The following KIAA1217 variants were observed in gnomAD, a reference collection of about 807,000 sequenced individuals.
KIAA1217 encodes sickle tail protein homolog.
KIAA1217 carries 88 observed loss-of-function variants against 163.9 expected under a neutral mutation model. The observed-to-expected ratio is 0.54, with a 90% CI of 0.45 to 0.64. The LOEUF (loss-of-function observed/expected upper bound fraction) is 0.64. KIAA1217 is among the 30% of genes least tolerant of loss of function. KIAA1217 has a pLI of 0.00. For missense variants in KIAA1217, 2,372 were observed against 2,475.0 expected, an observed-to-expected ratio of 0.96 and a Z score of 0.88; for synonymous variants, 903 against 923.1, an observed-to-expected ratio of 0.98 and a Z score of 0.39.
rs186377574 is a variant in KIAA1217, at chr10:23,730,664, T to C, written c.-321+35430T>C. On this transcript the variant is annotated intron_variant, in intron 1 of 18. Coordinates refer to the KIAA1217 transcript ENST00000376462. The stretch of plus-strand genomic sequence containing the variant: ...TCCATTTTGTAGTGTCTTTATTTTA[T>C]TCATCATAATTTTGTAGTTTTTCTT... Among the ~76,000 whole-genome samples, 540 of 152,336 alleles carry C rather than the reference T, an allele frequency of 3.5e-3. 1 individual carries two copies. The highest frequency in any genetic ancestry group is 0.014 in the South Asian group (68 of 4,828).
intron 2 of KIAA1217, among the ~76,000 whole-genome samples, chr10:24,241,132 C>T (rs1177356946): frequency 6.6e-6 from 1 of 152,142 alleles, no homozygotes; most frequent in African/African-American, 2.4e-5. Flanking sequence ...CAGGCTTGAG[C>T]CACTGCACCC....
At chr10:24,122,598 G>T (rs2063325101) in intron 2 of KIAA1217, among the ~76,000 whole-genome samples, 1 of 152,080 alleles carries the variant, frequency 6.6e-6, no homozygotes, top group Non-Finnish European at 1.5e-5. Context: ...CACAATTTTA[G>T]ATTTACACAC....
chr10:24,018,894 C>G (rs576689839), intron 2 of KIAA1217, among the ~76,000 whole-genome samples: 3 of 152,040 alleles, frequency 2.0e-5, no homozygotes, highest in Non-Finnish European at 4.4e-5. Flanking sequence ...AAAATCTTGT[C>G]ATTTGCTACA....
chr10:24,073,248 G>C (rs562560597), intron 2 of KIAA1217, among the ~76,000 whole-genome samples: 1 of 152,186 alleles, frequency 6.6e-6, no homozygotes, highest in South Asian at 2.1e-4. Context: ...GAAAACAGTG[G>C]GTTGTGGGAG....
chr10:24,526,195 G>T (rs563958123), intron 13 of KIAA1217, among the ~76,000 whole-genome samples: 16 of 152,162 alleles, frequency 1.1e-4, no homozygotes, highest in African/African-American at 3.9e-4. Flanking sequence ...GGAGAGGTCA[G>T]GTTGGGTATA....
intron 2 of KIAA1217, among the ~76,000 whole-genome samples, chr10:24,308,567 C>T (rs1171946436): frequency 1.3e-5 from 2 of 152,326 alleles, no homozygotes; most frequent in South Asian, 2.1e-4. Context: ...AATTCAGACA[C>T]GGGCTCTGAG....
intron 1 of KIAA1217, among the ~76,000 whole-genome samples, chr10:23,949,929 G>T (rs1564558778): frequency 6.6e-6 from 1 of 152,118 alleles, no homozygotes; most frequent in Non-Finnish European, 1.5e-5. Context: ...TTTACGTCAG[G>T]AATTCTTCTA....
At chr10:24,024,286 T>C (rs1847854048) in intron 2 of KIAA1217, among the ~76,000 whole-genome samples, 1 of 151,706 alleles carries the variant, frequency 6.6e-6, no homozygotes, top group Non-Finnish European at 1.5e-5. Context: ...CATTGTCCTC[T>C]TTTGCAGTCA....
intron 1 of KIAA1217, among the ~76,000 whole-genome samples, chr10:23,763,140 A>G (rs964564758): frequency 6.6e-6 from 1 of 152,188 alleles, no homozygotes; most frequent in Non-Finnish European, 1.5e-5. Context: ...AAAACACTCC[A>G]TCCTCATGGA....
rs538531392 is a variant in KIAA1217, at chr10:24,249,331, T to G, written c.354+29422T>G. On this transcript the variant is annotated intron_variant, in intron 2 of 20. Transcript: ENST00000376454. ...AACCTGAAAAATAGTAAGAAACAAC[T>G]CTACTTAGGGGAAAGGGGGTAGAAT... Among the ~76,000 whole-genome samples the G allele has an allele frequency of 5.3e-5, 8 of 152,280 alleles. No individual in the cohort carries two copies. In the South Asian group the frequency reaches 1.7e-3, roughly 32 times the overall value.
At chr10:23,988,635 T>G (rs1846083876) in intron 1 of KIAA1217, among the ~76,000 whole-genome samples, 1 of 152,216 alleles carries the variant, frequency 6.6e-6, no homozygotes, top group Non-Finnish European at 1.5e-5. Context: ...AGCATCATAA[T>G]ATAGGCCTCA....
chr10:24,110,401 T>C (rs2062801785), intron 2 of KIAA1217, among the ~76,000 whole-genome samples: 1 of 152,194 alleles, frequency 6.6e-6, no homozygotes, highest in Non-Finnish European at 1.5e-5. Context: ...TACTATTATA[T>C]GCACTATTAA....
chr10:24,176,720 T>C (rs2065908122), intron 2 of KIAA1217, among the ~76,000 whole-genome samples: 1 of 152,232 alleles, frequency 6.6e-6, no homozygotes. Flanking sequence ...TACTGTGCCG[T>C]GCACCCACAC....
intron 9 of KIAA1217, among the ~76,000 whole-genome samples, chr10:24,510,908 A>G (rs2069029698): frequency 6.6e-6 from 1 of 152,124 alleles, no homozygotes; most frequent in Admixed American, 6.5e-5. Flanking sequence ...TGTTCTTATC[A>G]ATGTTACTGA....
intron 1 of KIAA1217, among the ~76,000 whole-genome samples, chr10:23,994,063 G>A (rs1846351739): frequency 6.6e-6 from 1 of 152,174 alleles, no homozygotes; most frequent in Admixed American, 6.5e-5. Context: ...ACTCTAGCTT[G>A]TGAGCAGATC....
At chr10:24,091,947 C>T (rs529770429) in intron 2 of KIAA1217, among the ~76,000 whole-genome samples, 1 of 151,832 alleles carries the variant, frequency 6.6e-6, no homozygotes, top group Admixed American at 6.5e-5. Flanking sequence ...GAAGGTCAGA[C>T]TAGGGCTTGG....
At chr10:24,185,063 TA>T (rs1464111225) in intron 2 of KIAA1217, among the ~76,000 whole-genome samples, 2 of 152,180 alleles carry the variant, frequency 1.3e-5, no homozygotes, top group Non-Finnish European at 2.9e-5. Context: ...TGAAATAAAA[TA>T]GGATGCCCTT....
At chr10:24,358,585 T>C (rs2049440345) in intron 2 of KIAA1217, among the ~76,000 whole-genome samples, 1 of 152,176 alleles carries the variant, frequency 6.6e-6, no homozygotes, top group Non-Finnish European at 1.5e-5. Flanking sequence ...CATTTTAGTC[T>C]TATATCAAAG....
chr10:24,348,749 G>T (rs1031245056), intron 2 of KIAA1217, among the ~76,000 whole-genome samples: 2 of 152,134 alleles, frequency 1.3e-5, no homozygotes, highest in Non-Finnish European at 2.9e-5. Context: ...CCCCCAAGTA[G>T]CTGAATCATT....
Sources: gnomAD v4.1 joint callset for allele counts (sites outside exome capture counted in the v4.1 genomes callset) on GRCh38, gnomAD v4.1.1 for gene constraint, MANE v1.5 for transcripts, NCBI Gene and HGNC (gene_info 2026-07-23, HGNC 2026-07-21) for gene names.